HMBOX1: variants seen among roughly 807,000 people sequenced by gnomAD.
The protein encoded by HMBOX1 is homeobox-containing protein 1.
Under a neutral mutation model 54.5 loss-of-function variants are expected in HMBOX1, and 14 were observed. That is an observed-to-expected ratio of 0.26 (90% CI 0.17 to 0.40). The LOEUF is 0.40. Among genes scored for constraint, HMBOX1 ranks in the 10% least tolerant of loss-of-function variants. The pLI is 1.00. For synonymous variants in HMBOX1, 160 were observed against 181.0 expected (o/e 0.88, Z 0.93); for missense variants, 332 against 514.4 (o/e 0.65, Z 3.43).
chr8:28,965,928 T>C (rs1826358636), intron 2 of HMBOX1, among the ~76,000 whole-genome samples: 2 of 152,254 alleles, frequency 1.3e-5, no homozygotes, highest in African/African-American at 2.4e-5. Context: ...TAAATTAGCA[T>C]GCAGTAAATA....
At position 28,911,496 on chromosome 8, in the gene HMBOX1, CA is replaced by C. The variant is rs1291056022; in HGVS notation, c.-58+20820del. 7.2e-5 allele frequency among the ~76,000 whole-genome samples: 11 copies of C among 152,188 alleles called. No individual in the cohort carries two copies. The East Asian group carries it at 1.8e-3, about 24-fold the overall frequency. Reference sequence around the variant, plus strand: ...TCAGCCTGGCGAGTAGCTAGGATTACAAGTGCCTGCCACCATGCCCTGCTAA... The same window carrying C: ...TCAGCCTGGCGAGTAGCTAGGATTACAGTGCCTGCCACCATGCCCTGCTAA... On this transcript the variant is annotated intron_variant, in intron 1 of 9. Coordinates refer to ENST00000287701, the MANE Select transcript of HMBOX1 (RefSeq NM_001135726.3).
intron 1 of HMBOX1, among the ~76,000 whole-genome samples, chr8:28,912,382 G>A (rs1379466165): frequency 6.6e-6 from 1 of 152,020 alleles, no homozygotes; most frequent in African/African-American, 2.4e-5. Context: ...GAAAACACAA[G>A]CTCCCTCAAC....
intron 3 of HMBOX1, among the ~76,000 whole-genome samples, chr8:28,971,248 A>G (rs1278477859): frequency 2.0e-5 from 3 of 151,904 alleles, no homozygotes; most frequent in Non-Finnish European, 4.4e-5. Context: ...ATGCACCACC[A>G]TGCTGAGCTA....
At chr8:28,916,698 C>G (rs929120947) in intron 1 of HMBOX1, among the ~76,000 whole-genome samples, 1 of 152,080 alleles carries the variant, frequency 6.6e-6, no homozygotes, top group African/African-American at 2.4e-5. Flanking sequence ...TACGAACACA[C>G]TATCTTCATT....
chr8:28,920,055 A>G (rs1488031590), intron 1 of HMBOX1, among the ~76,000 whole-genome samples: 7 of 152,162 alleles, frequency 4.6e-5, no homozygotes, highest in African/African-American at 7.2e-5. Flanking sequence ...GCTTATGAAT[A>G]AACAAGAACA....
chr8:28,904,315 T>C (rs1305757038), intron 1 of HMBOX1, among the ~76,000 whole-genome samples: 1 of 151,766 alleles, frequency 6.6e-6, no homozygotes, highest in Non-Finnish European at 1.5e-5. Context: ...TGGTGCAATC[T>C]TGGCTCACTG....
At chr8:28,929,462 A>G (rs1389785805) in intron 1 of HMBOX1, among the ~76,000 whole-genome samples, 1 of 152,178 alleles carries the variant, frequency 6.6e-6, no homozygotes, top group Non-Finnish European at 1.5e-5. Context: ...ATTGATAGAG[A>G]CAGATGACAA....
chr8:28,987,669 T>C (rs548925583), intron 4 of HMBOX1, among the ~76,000 whole-genome samples: 1 of 152,236 alleles, frequency 6.6e-6, no homozygotes, highest in South Asian at 2.1e-4. Flanking sequence ...CTGCAAATAG[T>C]TTTGTCAGGA....
intron 1 of HMBOX1, among the ~76,000 whole-genome samples, chr8:28,915,400 AC>A (rs1816324535): frequency 6.6e-6 from 1 of 151,866 alleles, no homozygotes; most frequent in Non-Finnish European, 1.5e-5. Context: ...TACTAAAAAT[AC>A]AAAAAATTAG....
chr8:28,916,364 A>G (rs1243914498), intron 1 of HMBOX1, among the ~76,000 whole-genome samples: 1 of 152,212 alleles, frequency 6.6e-6, no homozygotes, highest in East Asian at 1.9e-4. Flanking sequence ...CATGGGATAT[A>G]ACCCAGGATC....
intron 4 of HMBOX1, among the ~76,000 whole-genome samples, chr8:28,985,706 A>G (rs953299707): frequency 2.0e-5 from 3 of 152,200 alleles, no homozygotes; most frequent in African/African-American, 7.2e-5. Context: ...TAATTATAGC[A>G]ATTTCTTTAC....
chr8:28,909,165 T>A (rs1814929118), intron 1 of HMBOX1, among the ~76,000 whole-genome samples: 1 of 152,088 alleles, frequency 6.6e-6, no homozygotes, highest in South Asian at 2.1e-4. Context: ...AGCATGTTTA[T>A]GTATTTTTTA....
intron 1 of HMBOX1, among the ~76,000 whole-genome samples, chr8:28,945,295 A>G (rs975785308): frequency 3.3e-5 from 5 of 152,246 alleles, no homozygotes; most frequent in African/African-American, 1.2e-4. Flanking sequence ...ATGAGGGCTT[A>G]ACAAGATTAA....
At chr8:28,980,470 C>G (rs1050662325) in intron 4 of HMBOX1, among the ~76,000 whole-genome samples, 6 of 152,152 alleles carry the variant, frequency 3.9e-5, no homozygotes, top group African/African-American at 1.4e-4. Context: ...CAACTGCTTT[C>G]TATACTACAT....
intron 6 of HMBOX1, among the ~76,000 whole-genome samples, chr8:29,030,217 A>C (rs1802728007): frequency 6.8e-6 from 1 of 147,426 alleles, no homozygotes; most frequent in Non-Finnish European, 1.5e-5. Flanking sequence ...CAAATTGGTC[A>C]ATACCTTTTG....
chr8:29,016,122 A>G (rs1055097828), intron 5 of HMBOX1, among the ~76,000 whole-genome samples: 7 of 152,364 alleles, frequency 4.6e-5, no homozygotes, highest in South Asian at 4.1e-4. Flanking sequence ...ATTCAAGCCC[A>G]TTGGCCATAA....
At position 28,923,410 on chromosome 8, in the gene HMBOX1, A is replaced by G. The variant is rs184178948; in HGVS notation, c.-58+32732A>G. 2.1e-3 allele frequency among the ~76,000 whole-genome samples: 315 copies of G among 152,342 alleles called. 1 individual carries two copies. Among genetic ancestry groups the G allele is most frequent in the Non-Finnish European group, 3.3e-3 (222 of 68,022 alleles). ...GGATATGCCACATTTTATCCATTCA[A>G]ATTGTCCAAATTGATGGATATTGCT... On this transcript the variant is annotated intron_variant, in intron 1 of 9. Coordinates refer to ENST00000287701, the MANE Select transcript of HMBOX1 (RefSeq NM_001135726.3).
intron 5 of HMBOX1, 164 bp downstream of exon 5, chr8:29,009,346 G>A (rs1429263926): frequency 6.0e-6 from 4 of 668,822 alleles, no homozygotes; most frequent in Non-Finnish European, 5.5e-6. Context: ...AACCCTGACT[G>A]TAATAAATTT....
chr8:28,899,193 C>G (rs1417751629), intron 1 of HMBOX1, among the ~76,000 whole-genome samples: 4 of 152,146 alleles, frequency 2.6e-5, no homozygotes, highest in African/African-American at 9.7e-5. Flanking sequence ...AGAGGTAGCC[C>G]TGGATACATG....
Sources: allele counts gnomAD v4.1 joint callset (sites outside exome capture counted in the v4.1 genomes callset), GRCh38; gene constraint gnomAD v4.1.1; transcripts MANE v1.5; gene names NCBI Gene and HGNC (gene_info 2026-07-23, HGNC 2026-07-21).